The following MTM1 variants were observed in gnomAD, a reference collection of about 807,000 sequenced individuals.
The protein encoded by MTM1 is myotubularin.
Under a neutral mutation model 52.1 loss-of-function variants are expected in MTM1, and 9 were observed. The ratio of observed to expected loss-of-function variants is 0.17; its 90% CI spans 0.10 to 0.30. MTM1 has a LOEUF of 0.30. Ranked by LOEUF, MTM1 falls within the 10% of genes least tolerant of loss-of-function variation. The pLI, the probability that MTM1 is intolerant of heterozygous loss-of-function variation, is 1.00. For synonymous variants in MTM1, 136 were observed against 163.8 expected, an observed-to-expected ratio of 0.83 and a Z score of 1.29; for missense variants, 277 against 470.7, an observed-to-expected ratio of 0.59 and a Z score of 3.81.
At chrX:150,565,996 A>G (rs1170102992), upstream of MTM1, among the ~76,000 whole-genome samples, 4 of 79,511 alleles carry the variant, frequency 5.0e-5, no homozygotes, top group Non-Finnish European at 1.0e-4. Context: ...AGATTCCTAC[A>G]CACACACACA....
At chrX:150,659,315 G>T (rs1557414583) in intron 11 of MTM1, among the ~76,000 whole-genome samples, 2 of 112,024 alleles carry the variant, frequency 1.8e-5, no homozygotes, top group Non-Finnish European at 3.8e-5. Flanking sequence ...GAAAGAACTA[G>T]GTTGAGTGTA....
chrX:150,579,958 T>G (rs1557411805), intron 1 of MTM1, among the ~76,000 whole-genome samples: 1 of 111,922 alleles, frequency 8.9e-6, no homozygotes. Flanking sequence ...TACATGATTA[T>G]GTTGTCTGTA....
intron 7 of MTM1, among the ~76,000 whole-genome samples, chrX:150,639,915 C>T (rs974545467): frequency 8.9e-6 from 1 of 112,330 alleles, no homozygotes; most frequent in Admixed American, 9.4e-5. Context: ...CATGAAAAAC[C>T]TGGATTGGTT....
intron 10 of MTM1, among the ~76,000 whole-genome samples, chrX:150,652,662 C>T (rs782022207): frequency 0.043 from 1,737 of 40,708 alleles, 29 homozygotes; most frequent in Middle Eastern, 0.065. Context: ...TATATATACA[C>T]ACACACACAC....
intron 2 of MTM1, among the ~76,000 whole-genome samples, chrX:150,593,651 T>G (rs2038925545): frequency 8.9e-6 from 1 of 111,915 alleles, no homozygotes; most frequent in Non-Finnish European, 1.9e-5. Context: ...TGATTACTAA[T>G]GAGGTTAACC....
chrX:150,634,468 A>G (rs2039722940), intron 6 of MTM1, among the ~76,000 whole-genome samples: 1 of 112,516 alleles, frequency 8.9e-6, no homozygotes, highest in African/African-American at 3.2e-5. Context: ...AATTAAAATG[A>G]CAAGTTATAT....
chrX:150,631,667 CAAAAA>C (rs34042424), intron 6 of MTM1, among the ~76,000 whole-genome samples: 4 of 35,455 alleles, frequency 1.1e-4, no homozygotes, highest in African/African-American at 5.3e-4. Context: ...ACTCCATCTC[CAAAAA>C]AAAAAAAAAA....
chrX:150,583,301 T>TAAATTATAAATTTATATAATTTATATAA lies in MTM1; in HGVS notation c.-10-9303_-10-9302insAATTATAAATTTATATAATTTATATAAA, dbSNP rs2038640833. ...ATTATAAATATATATAAATTATATA[T>TAAATTATAAATTTATATAATTTATATAA]ATTATATATAATTATAAATATATAT... On this transcript the variant is annotated intron_variant, in intron 1 of 14. Transcript: ENST00000370396. Among the ~76,000 whole-genome samples, 2 of 50,893 alleles carry TAAATTATAAATTTATATAATTTATATAA rather than the reference T, an allele frequency of 3.9e-5. 1 individual carries two copies. The highest frequency in any genetic ancestry group is 1.6e-4 in the African/African-American group (2 of 12,559). The allele number at this position is 50,893 out of a possible 115,157, so 44.2% of individuals were successfully genotyped here. A position where few individuals can be genotyped will look rare whatever the true frequency, so the allele number is the denominator to read the frequency against.
In MTM1 at chrX:150,667,902, C is replaced by T. The variant is rs190483876; in HGVS notation, c.1645-3526C>T. Among the ~76,000 whole-genome samples the T allele has an allele frequency of 6.2e-5, 7 of 112,293 alleles. No individual in the cohort carries two copies. The East Asian group carries it at 8.4e-4, about 14-fold the overall frequency. ...GAATGGTGTGTCCCCCAAAGGACAG[C>T]GACCCACAGCCTGTGAATGTGACCA... On this transcript the variant is annotated intron_variant, in intron 14 of 14. Transcript: ENST00000370396.
chrX:150,642,088 T>G (rs999297990), intron 8 of MTM1, among the ~76,000 whole-genome samples: 18 of 65,105 alleles, frequency 2.8e-4, no homozygotes, highest in Admixed American at 4.5e-4. Context: ...ACCTTGGGGT[T>G]TTTTTTTTCC....
intron 9 of MTM1, among the ~76,000 whole-genome samples, chrX:150,648,873 A>C (rs1427592812): frequency 8.9e-6 from 1 of 112,763 alleles, no homozygotes. Flanking sequence ...TAGTAGAAAA[A>C]GTTCGAGCTT....
intron 6 of MTM1, among the ~76,000 whole-genome samples, chrX:150,626,717 A>G (rs1298651247): frequency 1.8e-5 from 2 of 111,640 alleles, no homozygotes; most frequent in Non-Finnish European, 3.8e-5. Context: ...TGGGCTGATT[A>G]TGGAATTAAT....
chrX:150,659,750 A>C lies in MTM1; in HGVS notation c.1347A>C (p.Ser449=). The C allele has an allele frequency of 8.4e-7, 1 of 1,185,869 alleles. No homozygotes were observed. Among genetic ancestry groups the C allele is most frequent in the Non-Finnish European group, 1.1e-6 (1 of 871,790 alleles). The part of the protein sequence containing the change: ...LQFIDCVWQM[S]KQFPTAFEFN... ...TTATTGATTGTGTGTGGCAAATGTC[A>C]AAACAGGTAAGGAATATGAGGGATG... Residue 449 remains serine (S), a synonymous_variant, in exon 12 of 15, where the codon TCA becomes TCC. Transcript: ENST00000370396.
At chrX:150,637,905 T>G (rs782307305) in intron 6 of MTM1, among the ~76,000 whole-genome samples, 1 of 112,400 alleles carries the variant, frequency 8.9e-6, no homozygotes, top group South Asian at 3.7e-4. Flanking sequence ...TTGGAAGGAC[T>G]TCCACCTTTA....
intron 9 of MTM1, among the ~76,000 whole-genome samples, chrX:150,649,194 T>C (rs1557414105): frequency 2.7e-5 from 3 of 112,300 alleles, no homozygotes; most frequent in Non-Finnish European, 5.6e-5. Context: ...TTAAGTGCCT[T>C]GTCCCAGATC....
At chrX:150,669,275 A>G (rs1275804545) in intron 14 of MTM1, among the ~76,000 whole-genome samples, 2 of 112,244 alleles carry the variant, frequency 1.8e-5, no homozygotes, top group Non-Finnish European at 3.8e-5. Context: ...TATCCAGTCT[A>G]TCACTGATGG....
intron 14 of MTM1, 71 bp downstream of exon 14, chrX:150,663,680 AT>A: frequency 1.4e-5 from 14 of 996,532 alleles, no homozygotes; most frequent in Non-Finnish European, 2.0e-5. Flanking sequence ...TTTGGTATGG[AT>A]TTTTTTTAAC....
At chrX:150,607,418 A>G (rs1323221633) in intron 4 of MTM1, among the ~76,000 whole-genome samples, 1 of 111,894 alleles carries the variant, frequency 8.9e-6, no homozygotes, top group Non-Finnish European at 1.9e-5. Flanking sequence ...CCACTTCCGT[A>G]CTATTGACTC....
chrX:150,602,542 T>A (rs2039085203), intron 4 of MTM1, among the ~76,000 whole-genome samples: 1 of 112,383 alleles, frequency 8.9e-6, no homozygotes, highest in African/African-American at 3.2e-5. Context: ...CTAGTCACTG[T>A]GGTTTGACCA....
Sources: allele counts gnomAD v4.1 joint callset (sites outside exome capture counted in the v4.1 genomes callset), GRCh38; gene constraint gnomAD v4.1.1; transcripts MANE v1.5; gene names NCBI Gene and HGNC (gene_info 2026-07-23, HGNC 2026-07-21).